The following NUP93 variants were observed in gnomAD, a reference collection of about 807,000 sequenced individuals.
The protein encoded by NUP93 is nucleoporin 93.
A neutral mutation model predicts 107.8 loss-of-function variants in NUP93; 55 were observed. The ratio of observed to expected loss-of-function variants is 0.51; its 90% CI spans 0.41 to 0.64. The LOEUF (loss-of-function observed/expected upper bound fraction) is 0.64. NUP93 is among the 30% of genes least tolerant of loss of function. The pLI, the probability that NUP93 is intolerant of heterozygous loss-of-function variation, is 0.00. For missense variants in NUP93, 937 were observed against 1,044.7 expected (o/e 0.90, Z 1.42); for synonymous variants, 390 against 397.5 (o/e 0.98, Z 0.22).
intron 3 of NUP93, among the ~76,000 whole-genome samples, chr16:56,794,539 A>C (rs781237959): frequency 1.3e-5 from 2 of 152,032 alleles, no homozygotes; most frequent in African/African-American, 4.8e-5. Flanking sequence ...GCTTTTCAAC[A>C]AATGTGGTCA....
chr16:56,794,568 G>A (rs1251808264), intron 3 of NUP93, among the ~76,000 whole-genome samples: 7 of 141,358 alleles, frequency 5.0e-5, no homozygotes, highest in African/African-American at 1.8e-4. Context: ...CATTTGTGTT[G>A]TAAGTGTGTG....
chr16:56,830,974 A>G (rs1301626857), intron 10 of NUP93, among the ~76,000 whole-genome samples: 3 of 152,186 alleles, frequency 2.0e-5, no homozygotes, highest in Non-Finnish European at 4.4e-5. Flanking sequence ...TTATTCTGTA[A>G]ATCTAAGGCA....
chr16:56,730,915 G>C (rs1161368174), intron 1 of NUP93, among the ~76,000 whole-genome samples: 1 of 152,192 alleles, frequency 6.6e-6, no homozygotes, highest in African/African-American at 2.4e-5. Context: ...CCAGACGTGG[G>C]AAGGAGGTTT....
intron 3 of NUP93, among the ~76,000 whole-genome samples, chr16:56,788,484 C>G (rs1459774850): frequency 2.6e-5 from 4 of 152,174 alleles, no homozygotes; most frequent in African/African-American, 4.8e-5. Context: ...TCCATTAGTG[C>G]CTGGGTGGCC....
chr16:56,811,943 A>G (rs1567400768), intron 5 of NUP93, among the ~76,000 whole-genome samples: 1 of 152,192 alleles, frequency 6.6e-6, no homozygotes, highest in Non-Finnish European at 1.5e-5. Context: ...ATATGGATCC[A>G]TCTCTTTTTA....
intron 1 of NUP93, among the ~76,000 whole-genome samples, chr16:56,741,318 A>T (rs1961735776): frequency 6.6e-6 from 1 of 152,258 alleles, no homozygotes. Flanking sequence ...GATATAAATC[A>T]GCAGAGTTTA....
rs143405706 is a variant in NUP93 at position 56,827,308 on chromosome 16, CAAAT to C, written c.795-1664_795-1661del. 4.3e-3 allele frequency among the ~76,000 whole-genome samples: 653 copies of C among 152,130 alleles called. 5 individuals carry two copies. Among genetic ancestry groups the C allele is most frequent in the African/African-American group, 0.015 (605 of 41,500 alleles). The stretch of plus-strand genomic sequence containing the variant: ...CAGAGGATTTTAAGAAGCATGCTAG[CAAAT>C]AAATGGAGAGGGAATGGTAGAAAAA... On this transcript the variant is annotated intron_variant, in intron 8 of 21. Coordinates refer to ENST00000308159, the MANE Select transcript of NUP93 (RefSeq NM_014669.5).
At chr16:56,789,813 A>G (rs1962714115) in intron 3 of NUP93, among the ~76,000 whole-genome samples, 1 of 152,228 alleles carries the variant, frequency 6.6e-6, no homozygotes, top group African/African-American at 2.4e-5. Flanking sequence ...AAAACAAGCA[A>G]CAGGGCCAGG....
rs1264005717 is a variant in NUP93 at position 56,780,402 on chromosome 16, A to G, written c.298-18074A>G. On this transcript the variant is annotated intron_variant, in intron 3 of 21. Coordinates refer to ENST00000308159, the MANE Select transcript of NUP93 (RefSeq NM_014669.5). ...CAAAGGAAATCATGAGTTGATTTTT[A>G]TGCTAGTAACATAAGTTCTTTCATT... 4.6e-5 allele frequency among the ~76,000 whole-genome samples: 7 copies of G among 152,310 alleles called. No individual in the cohort carries two copies. In the East Asian group the frequency reaches 7.7e-4, roughly 17 times the overall value.
intron 5 of NUP93, among the ~76,000 whole-genome samples, chr16:56,808,216 T>TAACTATATAAAATATATAGTTAC (rs1567398419): frequency 9.2e-6 from 1 of 108,886 alleles, no homozygotes; most frequent in East Asian, 2.6e-4. Flanking sequence ...TATATAGTTA[T>TAACTATATAAAATATATAGTTAC]GTAACTATAT....
intron 5 of NUP93, among the ~76,000 whole-genome samples, chr16:56,810,440 G>A (rs139952188): frequency 7.2e-5 from 11 of 152,202 alleles, no homozygotes; most frequent in African/African-American, 2.4e-4. Flanking sequence ...ACCAGCCTGG[G>A]CAACATAGTA....
rs545054846 is a variant in NUP93, at chr16:56,841,325, G to A, written c.2221-380G>A. On this transcript the variant is annotated intron_variant, in intron 20 of 21. Coordinates refer to ENST00000308159, the MANE Select transcript of NUP93 (RefSeq NM_014669.5). ...GAGAGAGTGAGGAGTGGTAGGGACT[G>A]TGGAGAAGTAGCGTGTGCACCTGTA... Among the ~76,000 whole-genome samples the A allele has an allele frequency of 9.9e-5, 15 of 152,012 alleles. No homozygotes were observed. The East Asian group carries it at 2.5e-3, about 26-fold the overall frequency.
intron 4 of NUP93, among the ~76,000 whole-genome samples, chr16:56,801,681 T>C (rs79297256): frequency 4.6e-5 from 7 of 152,184 alleles, no homozygotes; most frequent in African/African-American, 1.7e-4. Context: ...TTATTTTTAT[T>C]TGAAGCTCTT....
chr16:56,782,158 G>T lies in NUP93; in HGVS notation c.298-16318G>T, dbSNP rs144621057. ...ATCTCATATAAGAAGGTTTGGAAGA[G>T]CTGCAGTGATCGACAGCATCGACCG... On this transcript the variant is annotated intron_variant, in intron 3 of 21. Transcript: ENST00000308159. 5,787 of 985,382 alleles carry T rather than the reference G, an allele frequency of 5.9e-3. 48 individuals carry two copies. Among genetic ancestry groups the T allele is most frequent in the Non-Finnish European group, 5.9e-3 (4,926 of 829,930 alleles). 61.0% of individuals were successfully genotyped at this position (985,382 alleles called of 1,614,324 possible). A position where few individuals can be genotyped will look rare whatever the true frequency, so the allele number is the denominator to read the frequency against.
intron 7 of NUP93, among the ~76,000 whole-genome samples, chr16:56,822,904 A>G (rs1158732639): frequency 3.3e-5 from 5 of 152,190 alleles, no homozygotes; most frequent in African/African-American, 1.2e-4. Context: ...ACATTCTAAA[A>G]TTTTAATTTT....
intron 5 of NUP93, among the ~76,000 whole-genome samples, chr16:56,817,879 G>C (rs1963465536): frequency 6.6e-6 from 1 of 152,204 alleles, no homozygotes. Flanking sequence ...TGTGGAGTAG[G>C]CTAAACCGTC....
chr16:56,782,182 C>T (rs1285129693), intron 3 of NUP93: 6 of 985,154 alleles, frequency 6.1e-6, no homozygotes, highest in African/African-American at 1.7e-5. Context: ...CAGCATCGAC[C>T]GTTCTGTAAC....
At position 56,832,386 on chromosome 16, in the gene NUP93, A is replaced by T; in HGVS notation, c.1343A>T (p.Tyr448Phe). 1 of 1,611,920 alleles carries T rather than the reference A, an allele frequency of 6.2e-7. No individual in the cohort carries two copies. The highest frequency in any genetic ancestry group is 8.5e-7 in the Non-Finnish European group (1 of 1,177,922). The change falls in exon 12 of 22, where the codon TAT (tyrosine) becomes TTT (phenylalanine). Residue 448 changes from tyrosine (Y) to phenylalanine (F), a missense_variant and splice_region_variant. Transcript: ENST00000308159. The part of the protein sequence containing the change: ...SQFQKQLLED[Y>F]GESHFTVNQQ... ...TTCCAGAAGCAGTTGTTGGAAGACT[A>T]TGGTAAGATTCTGGACATAACCACC...
intron 14 of NUP93, 46 bp downstream of exon 14, chr16:56,834,300 G>C: frequency 6.2e-7 from 1 of 1,613,246 alleles, no homozygotes; most frequent in Non-Finnish European, 8.5e-7. Flanking sequence ...TTCAATTTCT[G>C]CCATTCTGAG....
Sources: allele counts gnomAD v4.1 joint callset (sites outside exome capture counted in the v4.1 genomes callset), GRCh38; gene constraint gnomAD v4.1.1; transcripts MANE v1.5; gene names NCBI Gene and HGNC (gene_info 2026-07-23, HGNC 2026-07-21).